DCDC1: variants seen among roughly 807,000 people sequenced by gnomAD.
DCDC1 encodes the protein doublecortin domain-containing protein 1.
DCDC1 carries 200 observed loss-of-function variants against 178.3 expected under a neutral mutation model. The ratio of observed to expected loss-of-function variants is 1.12; its 90% CI spans 1.00 to 1.26. DCDC1 has a LOEUF of 1.26. Ranked by LOEUF, DCDC1 falls within the 50% of genes most tolerant of loss-of-function variation. The pLI, the probability that DCDC1 is intolerant of heterozygous loss-of-function variation, is 0.00. For synonymous variants in DCDC1, 690 were observed against 604.8 expected (o/e 1.14, Z -2.07); for missense variants, 1,983 against 1,749.2 (o/e 1.13, Z -2.38).
chr11:31,026,554 A>C (rs780832146), intron 20 of DCDC1, among the ~76,000 whole-genome samples: 2 of 151,836 alleles, frequency 1.3e-5, no homozygotes, highest in Non-Finnish European at 3.0e-5. Flanking sequence ...TGACTGTACA[A>C]ATTCTTATGA....
chr11:31,013,656 A>T (rs2135137383), intron 20 of DCDC1, among the ~76,000 whole-genome samples: 1 of 152,330 alleles, frequency 6.6e-6, no homozygotes, highest in Non-Finnish European at 1.5e-5. Context: ...TATGGTTTTA[A>T]AACTGTACAA....
chr11:31,035,284 A>G (rs904214991), intron 20 of DCDC1, among the ~76,000 whole-genome samples: 2 of 152,212 alleles, frequency 1.3e-5, no homozygotes, highest in African/African-American at 4.8e-5. Context: ...TAGCTAAACT[A>G]CAGGCTATGT....
At chr11:30,976,615 A>T (rs1950117413) in intron 20 of DCDC1, among the ~76,000 whole-genome samples, 2 of 152,162 alleles carry the variant, frequency 1.3e-5, no homozygotes, top group Admixed American at 6.5e-5. Flanking sequence ...AGAAATGCAA[A>T]TCAAAACTAC....
intron 22 of DCDC1, 61 bp from the exon 23 acceptor site, chr11:30,925,469 A>G: frequency 1.4e-6 from 2 of 1,430,450 alleles, no homozygotes; most frequent in South Asian, 1.2e-5. Context: ...GCAAAGAGAG[A>G]AAATAAAAGA....
rs147825075 is a variant in DCDC1, at chr11:31,368,802, A to T, written c.-125+895T>A. ...AACATCTCCAAGTGAAATTTATGTC[A>T]TGCTGGCCAAAAATAAGATGTAGTT... On this transcript the variant is annotated intron_variant, in intron 1 of 38. Coordinates refer to ENST00000684477, the MANE Select transcript of DCDC1 (RefSeq NM_001387274.1). 5.5e-3 allele frequency among the ~76,000 whole-genome samples: 836 copies of T among 152,346 alleles called. 6 individuals are homozygous for T. The highest frequency in any genetic ancestry group is 0.017 in the Middle Eastern group (5 of 294).
In DCDC1 at chr11:31,297,594, G is replaced by A. The variant is rs140937140; in HGVS notation, c.755-6742C>T. ...ACTCCTGACCTTGTAATCTGCCAGCGTTGGCCTCCCAAAGTGCTGGGATCA... is the reference window on the plus strand; with the variant it reads ...ACTCCTGACCTTGTAATCTGCCAGCATTGGCCTCCCAAAGTGCTGGGATCA... On this transcript the variant is annotated intron_variant, in intron 6 of 38. Transcript: ENST00000684477. 9.2e-5 allele frequency among the ~76,000 whole-genome samples: 14 copies of A among 152,066 alleles called. 1 individual carries two copies. The highest frequency in any genetic ancestry group is 2.9e-4 in the African/African-American group (12 of 41,492).
intron 23 of DCDC1, among the ~76,000 whole-genome samples, chr11:30,923,132 C>T (rs1008825837): frequency 6.6e-6 from 1 of 152,000 alleles, no homozygotes; most frequent in Non-Finnish European, 1.5e-5. Context: ...AAATCTGGTC[C>T]CCTGCCTGTT....
intron 11 of DCDC1, among the ~76,000 whole-genome samples, chr11:31,113,493 T>G (rs1321642786): frequency 7.2e-6 from 1 of 138,500 alleles, no homozygotes; most frequent in Non-Finnish European, 1.5e-5. Flanking sequence ...CCTGTGTCCA[T>G]GTGTTCTCCT....
chr11:31,328,689 T>A (rs1236238396), intron 2 of DCDC1, among the ~76,000 whole-genome samples: 7 of 151,800 alleles, frequency 4.6e-5, no homozygotes, highest in Middle Eastern at 3.4e-3. Flanking sequence ...CAGGTGCCTG[T>A]AGTCCCAGCT....
intron 20 of DCDC1, among the ~76,000 whole-genome samples, chr11:31,016,884 T>C (rs1431480102): frequency 1.3e-5 from 2 of 152,222 alleles, no homozygotes; most frequent in Admixed American, 1.3e-4. Context: ...ACTGTCATAT[T>C]AAGTTTCTGT....
At chr11:30,867,158 T>TCAAGG (rs1190889769) in intron 38 of DCDC1, among the ~76,000 whole-genome samples, 3 of 152,214 alleles carry the variant, frequency 2.0e-5, no homozygotes, top group African/African-American at 7.2e-5. Context: ...AATGATCACT[T>TCAAGG]CAAGGCATCT....
intron 9 of DCDC1, among the ~76,000 whole-genome samples, chr11:31,207,938 C>T (rs901768096): frequency 6.6e-6 from 1 of 152,062 alleles, no homozygotes; most frequent in African/African-American, 2.4e-5. Flanking sequence ...TGCTTCATCA[C>T]TCCCTCCTTA....
At chr11:31,314,932 ACT>A (rs1219199232) in intron 3 of DCDC1, among the ~76,000 whole-genome samples, 2 of 152,266 alleles carry the variant, frequency 1.3e-5, no homozygotes, top group Admixed American at 6.5e-5. Flanking sequence ...AATTATGCTT[ACT>A]CTCTGAGATT....
At chr11:31,294,063 T>G (rs920032095) in intron 6 of DCDC1, among the ~76,000 whole-genome samples, 1 of 152,194 alleles carries the variant, frequency 6.6e-6, no homozygotes, top group African/African-American at 2.4e-5. Context: ...CAATATTTAC[T>G]GGGTGTCCAC....
At chr11:30,893,857 A>T (rs1408940818) in intron 35 of DCDC1, among the ~76,000 whole-genome samples, 1 of 152,154 alleles carries the variant, frequency 6.6e-6, no homozygotes, top group Non-Finnish European at 1.5e-5. Flanking sequence ...TTCACTTCTG[A>T]ATGTCTCCAT....
chr11:31,230,900 A>AT (rs568369698), intron 9 of DCDC1, among the ~76,000 whole-genome samples: 52 of 151,474 alleles, frequency 3.4e-4, no homozygotes, highest in African/African-American at 6.8e-4. Flanking sequence ...ATAATTATCC[A>AT]TTTTTTTTAA....
intron 9 of DCDC1, among the ~76,000 whole-genome samples, chr11:31,172,025 A>G (rs1967305346): frequency 6.6e-6 from 1 of 152,180 alleles, no homozygotes; most frequent in Non-Finnish European, 1.5e-5. Context: ...AGAAAGGGAA[A>G]TTGATAGAAG....
chr11:31,236,823 T>C (rs1430138729), intron 9 of DCDC1, among the ~76,000 whole-genome samples: 2 of 152,014 alleles, frequency 1.3e-5, no homozygotes, highest in Non-Finnish European at 2.9e-5. Flanking sequence ...TTTCAAAGGA[T>C]AATTAGGAAG....
intron 1 of DCDC1, among the ~76,000 whole-genome samples, chr11:31,348,565 T>C (rs1950922057): frequency 6.6e-6 from 1 of 152,166 alleles, no homozygotes; most frequent in Admixed American, 6.6e-5. Flanking sequence ...CCCTCACCTA[T>C]TTAATTGCCA....
Sources: allele counts gnomAD v4.1 joint callset (sites outside exome capture counted in the v4.1 genomes callset), GRCh38; gene constraint gnomAD v4.1.1; transcripts MANE v1.5; gene names NCBI Gene and HGNC (gene_info 2026-07-23, HGNC 2026-07-21).